Variants in CSMD1 observed in about 807,000 individuals in gnomAD.
CSMD1 encodes the protein CUB and sushi domain-containing protein 1.
CSMD1 carries 213 observed loss-of-function variants against 417.5 expected under a neutral mutation model. That is an observed-to-expected ratio of 0.51 (90% CI 0.46 to 0.57). The LOEUF (loss-of-function observed/expected upper bound fraction) is 0.57. Ranked by LOEUF, CSMD1 falls within the 20% of genes least tolerant of loss-of-function variation. CSMD1 has a pLI of 0.00. For synonymous variants in CSMD1, 2,862 were observed against 1,736.8 expected, an observed-to-expected ratio of 1.65 and a Z score of -16.11; for missense variants, 6,923 against 4,529.7, an observed-to-expected ratio of 1.53 and a Z score of -15.17.
At chr8:3,933,527 C>G (rs1250182421) in intron 5 of CSMD1, among the ~76,000 whole-genome samples, 1 of 152,090 alleles carries the variant, frequency 6.6e-6, no homozygotes, top group Admixed American at 6.6e-5. Flanking sequence ...GTCTGCAGGC[C>G]TTTGAGAAGA....
At chr8:4,044,792 G>GCA (rs1563357923) in intron 3 of CSMD1, among the ~76,000 whole-genome samples, 4 of 44,400 alleles carry the variant, frequency 9.0e-5, no homozygotes, top group Non-Finnish European at 1.9e-4. Flanking sequence ...CACCCTGAGG[G>GCA]TGTACCACCC....
intron 23 of CSMD1, among the ~76,000 whole-genome samples, chr8:3,338,811 C>CT (rs574071856): frequency 0.012 from 1,757 of 141,078 alleles, 30 homozygotes; most frequent in African/African-American, 0.038. Flanking sequence ...TCCAGCCTTT[C>CT]TTTTTTTTTT....
intron 3 of CSMD1, among the ~76,000 whole-genome samples, chr8:4,365,473 C>T (rs1346148244): frequency 4.6e-5 from 7 of 152,060 alleles, no homozygotes; most frequent in African/African-American, 1.7e-4. Flanking sequence ...TCTTTTTCTC[C>T]AAGTCTACTG....
chr8:4,962,459 C>T (rs1338752660), intron 1 of CSMD1, among the ~76,000 whole-genome samples: 1 of 152,108 alleles, frequency 6.6e-6, no homozygotes, highest in African/African-American at 2.4e-5. Context: ...GATCTTCCCA[C>T]CTAGGCCATC....
At chr8:3,301,120 C>T (rs1240431726) in intron 25 of CSMD1, among the ~76,000 whole-genome samples, 3 of 151,944 alleles carry the variant, frequency 2.0e-5, no homozygotes, top group African/African-American at 7.3e-5. Context: ...TACATGATTT[C>T]TTCAATTGTT....
At chr8:3,517,068 G>C (rs942548872) in intron 10 of CSMD1, among the ~76,000 whole-genome samples, 1 of 152,204 alleles carries the variant, frequency 6.6e-6, no homozygotes, top group Non-Finnish European at 1.5e-5. Context: ...GGAACCGACA[G>C]CTCCAGGGAA....
intron 2 of CSMD1, among the ~76,000 whole-genome samples, chr8:4,452,837 C>G (rs1799230833): frequency 6.6e-6 from 1 of 151,954 alleles, no homozygotes; most frequent in Admixed American, 6.6e-5. Flanking sequence ...GTGAAAAAAA[C>G]TAAAGGCAAA....
At chr8:4,878,217 T>C (rs1803170750) in intron 1 of CSMD1, among the ~76,000 whole-genome samples, 1 of 151,540 alleles carries the variant, frequency 6.6e-6, no homozygotes, top group Non-Finnish European at 1.5e-5. Flanking sequence ...AAAGATAAGG[T>C]GAGAAAAGAA....
At chr8:4,152,193 C>T (rs951010897) in intron 3 of CSMD1, among the ~76,000 whole-genome samples, 1 of 152,186 alleles carries the variant, frequency 6.6e-6, no homozygotes, top group Non-Finnish European at 1.5e-5. Context: ...GTTCTTACAT[C>T]TTTGGAGAAG....
chr8:4,030,476 C>A (rs1344178577), intron 4 of CSMD1, among the ~76,000 whole-genome samples: 1 of 152,210 alleles, frequency 6.6e-6, no homozygotes, highest in Non-Finnish European at 1.5e-5. Flanking sequence ...TATGTTGCCC[C>A]TTTCAGCCAC....
At chr8:3,762,455 T>C (rs1046214308) in intron 5 of CSMD1, among the ~76,000 whole-genome samples, 14 of 152,204 alleles carry the variant, frequency 9.2e-5, no homozygotes, top group South Asian at 2.1e-4. Flanking sequence ...TTCAAAATAG[T>C]AATGACTTGG....
At chr8:3,191,015 A>C (rs1024237649) in intron 33 of CSMD1, among the ~76,000 whole-genome samples, 2 of 152,218 alleles carry the variant, frequency 1.3e-5, no homozygotes, top group Non-Finnish European at 2.9e-5. Flanking sequence ...AGTTTCACTT[A>C]CATAAAATGA....
chr8:3,172,560 A>C (rs964324139), intron 37 of CSMD1, among the ~76,000 whole-genome samples: 3 of 151,724 alleles, frequency 2.0e-5, no homozygotes, highest in Non-Finnish European at 4.4e-5. Context: ...TCTGGTTGTG[A>C]CTCTACTTAC....
intron 1 of CSMD1, among the ~76,000 whole-genome samples, chr8:4,792,249 G>A (rs1034217096): frequency 6.6e-6 from 1 of 152,130 alleles, no homozygotes; most frequent in Non-Finnish European, 1.5e-5. Context: ...AAAAATAACA[G>A]TGATAAAACA....
At chr8:4,740,697 G>A (rs2117002848) in intron 1 of CSMD1, among the ~76,000 whole-genome samples, 1 of 152,266 alleles carries the variant, frequency 6.6e-6, no homozygotes, top group Middle Eastern at 3.4e-3. Context: ...GGAGGGTGAG[G>A]TTGAAGTGAG....
intron 2 of CSMD1, among the ~76,000 whole-genome samples, chr8:4,433,299 C>G (rs908035834): frequency 3.9e-5 from 6 of 152,194 alleles, no homozygotes; most frequent in Non-Finnish European, 8.8e-5. Flanking sequence ...CGTAGAAAAA[C>G]TGGCTTCCAC....
At chr8:4,840,143 T>G (rs1054285737) in intron 1 of CSMD1, among the ~76,000 whole-genome samples, 2 of 6,524 alleles carry the variant, frequency 3.1e-4, no homozygotes, top group African/African-American at 4.2e-4. Context: ...TGTGGACTCT[T>G]TAAGGCTGTT....
intron 2 of CSMD1, among the ~76,000 whole-genome samples, chr8:4,423,951 A>G (rs1055371457): frequency 1.3e-5 from 2 of 152,124 alleles, no homozygotes; most frequent in African/African-American, 4.8e-5. Context: ...AACAGATTCA[A>G]AAGAAATTGC....
intron 3 of CSMD1, among the ~76,000 whole-genome samples, chr8:4,042,776 G>C (rs76074819): frequency 7.8e-6 from 1 of 128,278 alleles, no homozygotes; most frequent in Admixed American, 9.1e-5. Context: ...GCACATTGCT[G>C]TATCTTCGCT....
Sources: allele counts gnomAD v4.1 joint callset (sites outside exome capture counted in the v4.1 genomes callset), GRCh38; gene constraint gnomAD v4.1.1; transcripts MANE v1.5; gene names NCBI Gene and HGNC (gene_info 2026-07-23, HGNC 2026-07-21).